Variants in ZFHX2 observed in about 807,000 individuals in gnomAD.
ZFHX2 encodes zinc finger homeobox 2, also known as zinc finger homeobox protein 2.
Under a neutral mutation model 164.8 loss-of-function variants are expected in ZFHX2, and 75 were observed. The observed-to-expected ratio is 0.46, with a 90% CI of 0.38 to 0.55. The LOEUF (loss-of-function observed/expected upper bound fraction) is 0.55, where lower values mean the gene tolerates loss of function less well. ZFHX2 is among the 20% of genes least tolerant of loss of function. The pLI is 0.00. For synonymous variants in ZFHX2, 1,217 were observed against 1,351.4 expected, an observed-to-expected ratio of 0.90 and a Z score of 2.18; for missense variants, 2,933 against 3,308.0, an observed-to-expected ratio of 0.89 and a Z score of 2.78.
At chr14:23,529,900 A>G in intron 5 of ZFHX2, 132 bp from the exon 6 acceptor site, 2 of 1,027,296 alleles carry the variant, frequency 1.9e-6, no homozygotes, top group Non-Finnish European at 2.9e-6. Flanking sequence ...GAGGCTTGGC[A>G]AGGGCTGACT....
intron 1 of ZFHX2, among the ~76,000 whole-genome samples, chr14:23,545,343 G>A (rs1046168840): frequency 3.9e-5 from 6 of 152,144 alleles, no homozygotes; most frequent in African/African-American, 7.2e-5. Context: ...CCACTCGTCC[G>A]CCCTCCTCAG....
rs1388100121 is a variant in ZFHX2, at chr14:23,551,409, G to A, written c.-116C>T. ...CGAGCAGCGCGAGGCGGGGAGGGGA[G>A]GGGGCGGCTCTTGGAAGGGACTTCT... is the stretch of plus-strand genomic sequence containing the variant. On this transcript the variant is annotated 5_prime_UTR_variant, in exon 1 of 10. Transcript: ENST00000419474. The surrounding 1 kb of genome is among the most constrained non-coding windows in gnomAD (Gnocchi z 5.3). The A allele has an allele frequency of 6.5e-6, 1 of 152,748 alleles. No homozygotes were observed. Among genetic ancestry groups the A allele is most frequent in the Non-Finnish European group, 1.5e-5 (1 of 68,050 alleles). The allele number at this position is 152,748 out of a possible 1,614,324, so 9.5% of individuals were successfully genotyped here. A position where few individuals can be genotyped will look rare whatever the true frequency, so the allele number is the denominator to read the frequency against.
Position 23,521,585 on chromosome 14 carries a change from T to G in ZFHX2, c.*377A>C. ...GTGTGTGTGCATGTATGTGTATGCA[T>G]TTATGGGGATGGGGAGCTGGGAATT... On this transcript the variant is annotated 3_prime_UTR_variant, in exon 10 of 10. Transcript: ENST00000419474. 9.8e-6 allele frequency: 2 copies of G among 203,966 alleles called. No individual in the cohort carries two copies. Among genetic ancestry groups the G allele is most frequent in the Non-Finnish European group, 2.0e-5 (2 of 101,022 alleles). 12.6% of individuals were successfully genotyped at this position (203,966 alleles called of 1,614,324 possible). A position where few individuals can be genotyped will look rare whatever the true frequency, so the allele number is the denominator to read the frequency against.
intron 7 of ZFHX2, 40 bp from the exon 8 acceptor site, chr14:23,527,013 C>T: frequency 6.8e-7 from 1 of 1,468,916 alleles, no homozygotes; most frequent in Non-Finnish European, 9.0e-7. Flanking sequence ...CCACCACCCC[C>T]CACTGCCCCT....
intron 1 of ZFHX2, among the ~76,000 whole-genome samples, chr14:23,540,739 T>C (rs2138852070): frequency 6.6e-6 from 1 of 152,328 alleles, no homozygotes; most frequent in Middle Eastern, 3.4e-3. Context: ...AATGATATTT[T>C]CCTTACTCAG....
chr14:23,525,846 G>A lies in ZFHX2; in HGVS notation c.4096C>T (p.Pro1366Ser). The A allele has an allele frequency of 6.9e-7, 1 of 1,457,130 alleles. No homozygotes were observed. The highest frequency in any genetic ancestry group is 9.0e-7 in the Non-Finnish European group (1 of 1,110,040). The allele number at this position is 1,457,130 out of a possible 1,614,324, so 90.3% of individuals were successfully genotyped here. Residue 1366 changes from proline to serine, a missense_variant, in exon 9 of 10, where the codon CCC becomes TCC. Pro to Ser is a moderately conservative substitution (Grantham distance 74). Transcript: ENST00000419474. The surrounding 1 kb of genome is among the most constrained non-coding windows in gnomAD (Gnocchi z 5.9). ...LKLQQQQLLL[P>S]FYLHDLKVGP... The stretch of plus-strand genomic sequence containing the variant: ...ACCTTGAGATCGTGGAGGTAGAAGG[G>A]CAGGAGCAGCTGCTGCTGCTGGAGC...
upstream of ZFHX2, among the ~76,000 whole-genome samples, chr14:23,554,537 C>A (rs1269817522): frequency 6.7e-6 from 1 of 149,426 alleles, no homozygotes; most frequent in Admixed American, 6.7e-5. Context: ...CTACCACACC[C>A]GGCTAATTAA....
Position 23,534,416 on chromosome 14 carries a change from T to A in ZFHX2, c.910A>T (p.Ile304Leu), listed in dbSNP as rs190876809. Residue 304 changes from isoleucine (I) to leucine (L), a missense_variant, in exon 2 of 10, where the codon ATA (isoleucine) becomes TTA (leucine). By Grantham distance (5) the Ile-to-Leu change is conservative. Coordinates refer to ENST00000419474, the MANE Select transcript of ZFHX2 (RefSeq NM_033400.3). This position sits in a 1 kb window ranked among gnomAD's most constrained non-coding sequence, Gnocchi z 4.5. The stretch of plus-strand genomic sequence containing the variant: ...ACTGTGCTGCTGTTGTCAAGGGGTA[T>A]GTCAGAAGAGGGGCGAGCAGGGAGT... ...PKLPARPSSDIPLDNSSTVNM... is the reference protein window; with the variant it reads ...PKLPARPSSDLPLDNSSTVNM... The A allele has an allele frequency of 4.4e-4, 676 of 1,536,794 alleles. 4 individuals carry two copies. The African/African-American group carries it at 8.2e-3, about 19-fold the overall frequency.
chr14:23,546,657 G>C lies in ZFHX2; in HGVS notation c.-50+4686C>G, dbSNP rs912770676. Among the ~76,000 whole-genome samples, 1 of 152,180 alleles carries C rather than the reference G, an allele frequency of 6.6e-6. No individual in the cohort carries two copies. The highest frequency in any genetic ancestry group is 2.4e-5 in the African/African-American group (1 of 41,436). On this transcript the variant is annotated intron_variant, in intron 1 of 9. Transcript: ENST00000419474. The surrounding 1 kb of genome is among the most constrained non-coding windows in gnomAD (Gnocchi z 4.7). ...AGGCAGTTCCCTAGGACTTTCCCCA[G>C]AGAGGCAAGGGGCTCTGGGAAAGTG...
In ZFHX2 at chr14:23,521,737, G is replaced by A; in HGVS notation, c.*225C>T. ...GATGGGCAAGGGCTACATCTGCAAG[G>A]AGCTGAGGAGGAGGATCAATGTGTG... On this transcript the variant is annotated 3_prime_UTR_variant, in exon 10 of 10. Transcript: ENST00000419474. 1 of 722,610 alleles carries A rather than the reference G, an allele frequency of 1.4e-6. No individual in the cohort carries two copies. The highest frequency in any genetic ancestry group is 2.1e-6 in the Non-Finnish European group (1 of 465,444). The allele number at this position is 722,610 out of a possible 1,614,324, so 44.8% of individuals were successfully genotyped here.
In ZFHX2 at chr14:23,526,473, G is replaced by A. The variant is rs1472709678; in HGVS notation, c.3469C>T (p.Leu1157Phe). 1 of 1,536,182 alleles carries A rather than the reference G, an allele frequency of 6.5e-7. No homozygotes were observed. Among genetic ancestry groups the A allele is most frequent in the South Asian group, 1.2e-5 (1 of 84,054 alleles). ...AEEEEGTTGE[L>F]RSAEPAPADS... Reference sequence around the variant, plus strand: ...GCTGGAGCTGGCTCTGCAGAGCGGAGCTCCCCAGTGGTCCCCTCTTCCTCC... The same window carrying A: ...GCTGGAGCTGGCTCTGCAGAGCGGAACTCCCCAGTGGTCCCCTCTTCCTCC... The change falls in exon 9 of 10, where the codon CTC becomes TTC. Residue 1157 changes from leucine (L) to phenylalanine (F), a missense_variant. Coordinates refer to ENST00000419474, the MANE Select transcript of ZFHX2 (RefSeq NM_033400.3).
intron 7 of ZFHX2, 57 bp from the exon 8 acceptor site, chr14:23,527,030 C>T: frequency 6.9e-7 from 1 of 1,451,344 alleles, no homozygotes; most frequent in East Asian, 2.5e-5. Flanking sequence ...CCCTATGCCA[C>T]TCCTGACCCA....
intron 4 of ZFHX2, 79 bp downstream of exon 4, chr14:23,531,401 CT>C (rs1879534752): frequency 1.5e-6 from 2 of 1,334,102 alleles, no homozygotes; most frequent in Non-Finnish European, 1.9e-6. Flanking sequence ...CCTTGTATCT[CT>C]AACTCCGCAG....
chr14:23,555,505 C>T (rs373023591), upstream of ZFHX2, among the ~76,000 whole-genome samples: 1 of 152,152 alleles, frequency 6.6e-6, no homozygotes, highest in South Asian at 2.1e-4. Context: ...TCTAGGTCTC[C>T]AACTGTTGAA....
intron 6 of ZFHX2, chr14:23,529,249 T>C: frequency 2.5e-5 from 4 of 159,518 alleles, no homozygotes; most frequent in Admixed American, 6.2e-5. Flanking sequence ...GTGAATCATT[T>C]GGTTGGTGCC....
In ZFHX2 at chr14:23,521,625, A is replaced by AAGAT. The variant is rs1164133183; in HGVS notation, c.*333_*336dup. ...AGCTGGGAATTCAGTGAGGAAAAGG[A>AAGAT]AGATAGAACCAAGGATATATTTTGT... On this transcript the variant is annotated 3_prime_UTR_variant, in exon 10 of 10. Coordinates refer to ENST00000419474, the MANE Select transcript of ZFHX2 (RefSeq NM_033400.3). 4.0e-6 allele frequency: 1 copy of AAGAT among 251,808 alleles called. No homozygotes were observed. The highest frequency in any genetic ancestry group is 7.6e-6 in the Non-Finnish European group (1 of 131,684). 15.6% of individuals were successfully genotyped at this position (251,808 alleles called of 1,614,324 possible).
intron 1 of ZFHX2, among the ~76,000 whole-genome samples, chr14:23,547,369 G>A (rs1881497614): frequency 6.6e-6 from 1 of 152,210 alleles, no homozygotes; most frequent in South Asian, 2.1e-4. Context: ...ATACGGTTAT[G>A]ACCAATTCAA....
Position 23,524,549 on chromosome 14 carries a change from G to A in ZFHX2, c.5393C>T (p.Pro1798Leu), listed in dbSNP as rs1475731467. ...ATCTAGGAGTTGGGGGGGAGCACTG[G>A]GCTGCAGAGATGGCAGGAAATGTAG... Reference protein sequence around the residue: ...RRLHFLPSLQPSAPPQLLDLP... With the variant: ...RRLHFLPSLQLSAPPQLLDLP... The change falls in exon 9 of 10, where the codon CCC (proline) becomes CTC (leucine). Residue 1798 changes from proline (P) to leucine (L), a missense_variant. Physicochemically the swap from Pro to Leu is moderately conservative, Grantham distance 98. Coordinates refer to ENST00000419474, the MANE Select transcript of ZFHX2 (RefSeq NM_033400.3). The surrounding 1 kb of genome is among the most constrained non-coding windows in gnomAD (Gnocchi z 5.6). 5 of 1,530,560 alleles carry A rather than the reference G, an allele frequency of 3.3e-6. No individual in the cohort carries two copies. The South Asian group carries it at 3.6e-5, about 11-fold the overall frequency. 94.8% of individuals were successfully genotyped at this position (1,530,560 alleles called of 1,614,324 possible).
chr14:23,534,113 G>T lies in ZFHX2; in HGVS notation c.1213C>A (p.Pro405Thr). The change falls in exon 2 of 10, where the codon CCA becomes ACA. Residue 405 changes from proline (P) to threonine (T), a missense_variant. Pro to Thr is a conservative substitution (Grantham distance 38). Transcript: ENST00000419474. The surrounding 1 kb of genome is among the most constrained non-coding windows in gnomAD (Gnocchi z 4.5). The part of the protein sequence containing the change: ...TSKEGGTLPA[P>T]VGSPEDPSDP... Reference sequence around the variant, plus strand: ...CTGGGGTCTTCGGGGGAGCCCACTGGGGCAGGGAGAGTGCCCCCCTCCTTG... The same window carrying T: ...CTGGGGTCTTCGGGGGAGCCCACTGTGGCAGGGAGAGTGCCCCCCTCCTTG... 1 of 1,487,276 alleles carries T rather than the reference G, an allele frequency of 6.7e-7. No individual in the cohort carries two copies. Among genetic ancestry groups the T allele is most frequent in the Non-Finnish European group, 8.9e-7 (1 of 1,121,692 alleles). 92.1% of individuals were successfully genotyped at this position (1,487,276 alleles called of 1,614,324 possible). A position where few individuals can be genotyped will look rare whatever the true frequency, so the allele number is the denominator to read the frequency against.
Sources: gnomAD v4.1 joint callset for allele counts (sites outside exome capture counted in the v4.1 genomes callset) on GRCh38, gnomAD v4.1.1 for gene constraint, Gnocchi (gnomAD v3.1) non-coding constraint, MANE v1.5 for transcripts, NCBI Gene and HGNC (gene_info 2026-07-23, HGNC 2026-07-21) for gene names.